Variants in KLHL1 observed in about 807,000 individuals in gnomAD.
KLHL1 encodes kelch like family member 1, also known as kelch-like protein 1.
Under a neutral mutation model 77.7 loss-of-function variants are expected in KLHL1, and 47 were observed. The observed-to-expected ratio is 0.60, with a 90% CI of 0.48 to 0.77. The LOEUF (loss-of-function observed/expected upper bound fraction) is 0.77. Ranked by LOEUF, KLHL1 falls within the 30% of genes least tolerant of loss-of-function variation. KLHL1 has a pLI of 0.00. For synonymous variants in KLHL1, 360 were observed against 325.2 expected (o/e 1.11, Z -1.15); for missense variants, 925 against 910.8 (o/e 1.02, Z -0.20).
Position 69,701,720 on chromosome 13 carries a change from T to TACCA in KLHL1, c.2225_2228dup (p.Val744GlyfsTer10), listed in dbSNP as rs781187017. 1 of 1,609,130 alleles carries TACCA rather than the reference T, an allele frequency of 6.2e-7. No homozygotes were observed. Among genetic ancestry groups the TACCA allele is most frequent in the South Asian group, 1.1e-5 (1 of 90,306 alleles). ...CAATAAGTCAAGGTTGCTTGATGAC[T>TACCA]ACCACACAGGCACCTGCTCTCCCAA... On this transcript the variant is annotated frameshift_variant, in exon 11 of 11. Coordinates refer to ENST00000377844, the MANE Select transcript of KLHL1 (RefSeq NM_020866.3). LOFTEE classifies it high-confidence loss of function.
chr13:69,777,542 A>AT lies in KLHL1; in HGVS notation c.1639+19195_1639+19196insA, dbSNP rs1593819149. On this transcript the variant is annotated intron_variant, in intron 7 of 10. Coordinates refer to ENST00000377844, the MANE Select transcript of KLHL1 (RefSeq NM_020866.3). ...GAGATAATCCAATATCATTTAAATT[A>AT]ATTTATTTTCCAACAAAATTTGTGG... Among the ~76,000 whole-genome samples, 5 of 152,250 alleles carry AT rather than the reference A, an allele frequency of 3.3e-5. No individual in the cohort carries two copies. The East Asian group carries it at 9.6e-4, about 29-fold the overall frequency.
chr13:69,764,535 T>TA (rs34321855), intron 7 of KLHL1, among the ~76,000 whole-genome samples: 48,197 of 151,940 alleles, frequency 0.32, 7,879 homozygotes, highest in Non-Finnish European at 0.35. Flanking sequence ...ACATTTCTAC[T>TA]AAAAAATGGC....
chr13:69,796,907 C>A lies in KLHL1; in HGVS notation c.1470G>T (p.Gly490=). Residue 490 remains glycine, a synonymous_variant, in exon 7 of 11, where the codon GGG becomes GGT. Transcript: ENST00000377844. The part of the protein sequence containing the change: ...DLRTNLWIQA[G]MMNGRRLQFG... ...ACTGCAGCCTTCTGCCATTCATCATCCCTGCCTGGATCCACAGATTTGTTC... is the reference window on the plus strand; with the variant it reads ...ACTGCAGCCTTCTGCCATTCATCATACCTGCCTGGATCCACAGATTTGTTC... 1 of 1,614,148 alleles carries A rather than the reference C, an allele frequency of 6.2e-7. No homozygotes were observed. Among genetic ancestry groups the A allele is most frequent in the Non-Finnish European group, 8.5e-7 (1 of 1,180,026 alleles).
At chr13:69,712,320 G>A (rs184252902) in intron 9 of KLHL1, among the ~76,000 whole-genome samples, 35 of 151,394 alleles carry the variant, frequency 2.3e-4, no homozygotes, top group Non-Finnish European at 3.7e-4. Flanking sequence ...TGTTTTATGG[G>A]TAATATTTAA....
intron 6 of KLHL1, among the ~76,000 whole-genome samples, chr13:69,801,937 T>C (rs1377254861): frequency 2.0e-5 from 3 of 152,170 alleles, no homozygotes; most frequent in Non-Finnish European, 2.9e-5. Context: ...TAGGTATACA[T>C]GCGCCATGGT....
intron 9 of KLHL1, 109 bp from the exon 10 acceptor site, chr13:69,707,905 T>A: frequency 1.2e-6 from 1 of 826,578 alleles, no homozygotes; most frequent in South Asian, 2.3e-5. Flanking sequence ...CTACCTTTTT[T>A]TTTCTCTAAA....
chr13:69,952,744 G>T (rs1490186533), intron 3 of KLHL1, among the ~76,000 whole-genome samples: 1 of 151,270 alleles, frequency 6.6e-6, no homozygotes, highest in Admixed American at 6.6e-5. Flanking sequence ...AAAGTGCTTC[G>T]TGTTCCCATT....
Position 69,707,611 on chromosome 13 carries a change from G to A in KLHL1, c.2187+14C>T. On this transcript the variant is annotated intron_variant, in intron 10 of 10. Transcript: ENST00000377844. The stretch of plus-strand genomic sequence containing the variant: ...TCTTATCCTTGAAGTGAATTATGCT[G>A]ATGACAATCTTACCTGTGTCCACTC... The A allele has an allele frequency of 6.2e-7, 1 of 1,605,560 alleles. No homozygotes were observed. Among genetic ancestry groups the A allele is most frequent in the Non-Finnish European group, 8.5e-7 (1 of 1,174,416 alleles).
intron 6 of KLHL1, among the ~76,000 whole-genome samples, chr13:69,813,334 G>C (rs1239280241): frequency 2.6e-5 from 4 of 151,848 alleles, no homozygotes. Flanking sequence ...TGGGGTGGGG[G>C]GAGAGGGGAG....
chr13:69,882,673 G>A (rs1281442388), intron 4 of KLHL1, among the ~76,000 whole-genome samples, 178 bp from the exon 5 acceptor site: 1 of 152,190 alleles, frequency 6.6e-6, no homozygotes, highest in Non-Finnish European at 1.5e-5. Context: ...TGTCATTGAA[G>A]TGTAAATGTA....
chr13:69,829,006 C>T (rs1012528855), intron 6 of KLHL1, among the ~76,000 whole-genome samples: 2 of 150,440 alleles, frequency 1.3e-5, no homozygotes. Context: ...CTCTTAGGAG[C>T]TCTAAGGCCT....
intron 1 of KLHL1, among the ~76,000 whole-genome samples, chr13:70,042,214 T>C (rs1364424794): frequency 6.6e-6 from 1 of 152,128 alleles, no homozygotes; most frequent in Non-Finnish European, 1.5e-5. Flanking sequence ...CAACTTGGAA[T>C]TGCAATCTGC....
intron 1 of KLHL1, among the ~76,000 whole-genome samples, chr13:69,979,592 C>A (rs948091338): frequency 1.2e-4 from 19 of 152,184 alleles, no homozygotes; most frequent in African/African-American, 4.6e-4. Flanking sequence ...CATTGGATTA[C>A]TTCATTGTTT....
intron 4 of KLHL1, among the ~76,000 whole-genome samples, chr13:69,889,475 C>G (rs1881346390): frequency 6.6e-6 from 1 of 152,096 alleles, no homozygotes; most frequent in Non-Finnish European, 1.5e-5. Flanking sequence ...TTCCATTACA[C>G]AACCTGGCCT....
chr13:69,944,978 C>CTTTTTT (rs750774784), intron 3 of KLHL1, among the ~76,000 whole-genome samples: 3 of 79,860 alleles, frequency 3.8e-5, no homozygotes, highest in Non-Finnish European at 7.0e-5. Context: ...TATAAAACTT[C>CTTTTTT]TTTTTTTTTT....
chr13:69,789,480 T>G (rs1322233564), intron 7 of KLHL1, among the ~76,000 whole-genome samples: 1 of 152,078 alleles, frequency 6.6e-6, no homozygotes, highest in African/African-American at 2.4e-5. Flanking sequence ...AATAGGGAAA[T>G]TTAGTTGACT....
chr13:69,949,096 CATT>C (rs1264228734), intron 3 of KLHL1, among the ~76,000 whole-genome samples: 1 of 151,774 alleles, frequency 6.6e-6, no homozygotes, highest in Non-Finnish European at 1.5e-5. Flanking sequence ...CTGTTTCCCC[CATT>C]ATTAACATCT....
intron 7 of KLHL1, among the ~76,000 whole-genome samples, chr13:69,768,927 T>C (rs1875438253): frequency 6.6e-6 from 1 of 152,340 alleles, no homozygotes; most frequent in South Asian, 2.1e-4. Flanking sequence ...ATACCATCAA[T>C]GATATTTTAC....
chr13:69,912,401 G>C (rs1882267774), intron 4 of KLHL1, among the ~76,000 whole-genome samples: 1 of 152,072 alleles, frequency 6.6e-6, no homozygotes, highest in African/African-American at 2.4e-5. Flanking sequence ...GAAAAAAATT[G>C]TATTGTATGT....
Sources: gnomAD v4.1 joint callset for allele counts (sites outside exome capture counted in the v4.1 genomes callset) on GRCh38, gnomAD v4.1.1 for gene constraint, MANE v1.5 for transcripts, NCBI Gene and HGNC (gene_info 2026-07-23, HGNC 2026-07-21) for gene names.